BMP8B: variants seen among roughly 807,000 people sequenced by gnomAD.
BMP8B encodes the protein bone morphogenetic protein 8b, also known as bone morphogenetic protein 8 (osteogenic protein 2).
A neutral mutation model predicts 30.3 loss-of-function variants in BMP8B; 17 were observed. That is an observed-to-expected ratio of 0.56 (90% CI 0.38 to 0.84). The LOEUF is 0.84. BMP8B is among the 40% of genes least tolerant of loss of function. The probability of loss-of-function intolerance (pLI) is 0.00; values close to 1 mark genes in which losing one functional copy is unlikely to be tolerated. For synonymous variants in BMP8B, 131 were observed against 214.7 expected (o/e 0.61, Z 3.41); for missense variants, 253 against 494.6 (o/e 0.51, Z 4.63).
chr1:39,788,568 C>T lies in BMP8B; in HGVS notation c.-83G>A. 2.0e-6 allele frequency: 2 copies of T among 983,378 alleles called. No homozygotes were observed. Among genetic ancestry groups the T allele is most frequent in the South Asian group, 4.6e-5 (1 of 21,888 alleles). 60.9% of individuals were successfully genotyped at this position (983,378 alleles called of 1,614,324 possible). A position where few individuals can be genotyped will look rare whatever the true frequency, so the allele number is the denominator to read the frequency against. On this transcript the variant is annotated 5_prime_UTR_variant, in exon 1 of 7. Coordinates refer to ENST00000372827, the MANE Select transcript of BMP8B (RefSeq NM_001720.5). This position sits in a 1 kb window ranked among gnomAD's most constrained non-coding sequence, Gnocchi z 5.8. ...GACCCAGGGCCTGGGGACGCCCCGA[C>T]GGCAAGGAGGCTGGGCTCGGCGGGC... is the stretch of plus-strand genomic sequence containing the variant.
chr1:39,778,193 CT>C (rs1206846130), intron 1 of BMP8B, among the ~76,000 whole-genome samples: 1 of 152,226 alleles, frequency 6.6e-6, no homozygotes, highest in Non-Finnish European at 1.5e-5. Context: ...ACTCAGAGCC[CT>C]TTGGGCTGGG....
chr1:39,760,485 G>T lies in BMP8B; in HGVS notation c.1143C>A (p.Asp381Glu). Reference protein sequence around the residue: ...KLSATSVLYYDSSNNVILRKH... With the variant: ...KLSATSVLYYESSNNVILRKH... ...TGCGCAGGATGACATTGTTGCTGCT[G>T]TCATAGTAGAGCACAGAGGTGGCGC... The change falls in exon 7 of 7, where the codon GAC becomes GAA. Residue 381 changes from aspartate (D) to glutamate (E), a missense_variant. Asp to Glu is a conservative substitution (Grantham distance 45, BLOSUM62 2). Around this residue, in one of 7 missense-constraint regions of BMP8B, gnomAD observed 116 missense variants for 142.3 expected, o/e 0.81. Coordinates refer to ENST00000372827, the MANE Select transcript of BMP8B (RefSeq NM_001720.5). 6.2e-7 allele frequency: 1 copy of T among 1,614,200 alleles called. No homozygotes were observed. The highest frequency in any genetic ancestry group is 8.5e-7 in the Non-Finnish European group (1 of 1,180,036).
intron 6 of BMP8B, among the ~76,000 whole-genome samples, chr1:39,761,773 C>T (rs1464236379): frequency 6.6e-6 from 1 of 152,234 alleles, no homozygotes; most frequent in South Asian, 2.1e-4. Context: ...CAGGCCCAGT[C>T]TCTCCCCACT....
At chr1:39,782,112 T>C (rs562320160) in intron 1 of BMP8B, among the ~76,000 whole-genome samples, 5 of 150,552 alleles carry the variant, frequency 3.3e-5, no homozygotes, top group Non-Finnish European at 7.4e-5. Context: ...GATCGCACCA[T>C]TGCACTCCAG....
At chr1:39,780,223 C>T (rs1254021738) in intron 1 of BMP8B, among the ~76,000 whole-genome samples, 1 of 152,180 alleles carries the variant, frequency 6.6e-6, no homozygotes, top group Non-Finnish European at 1.5e-5. Context: ...GGAAGTGGGA[C>T]CATCGAGGGC....
chr1:39,769,916 G>A (rs1193041955), intron 3 of BMP8B: 6 of 1,604,028 alleles, frequency 3.7e-6, no homozygotes, highest in East Asian at 4.5e-5. Flanking sequence ...CATGATCTTG[G>A]GGGTGTTGTC....
rs995382701 is a variant in BMP8B at position 39,758,265 on chromosome 1, C to T, written c.*2154G>A. 6 of 152,232 alleles carry T rather than the reference C, an allele frequency of 3.9e-5. No homozygotes were observed. The highest frequency in any genetic ancestry group is 7.3e-5 in the Non-Finnish European group (5 of 68,046). The allele number at this position is 152,232 out of a possible 1,614,324, so 9.4% of individuals were successfully genotyped here. A position where few individuals can be genotyped will look rare whatever the true frequency, so the allele number is the denominator to read the frequency against. On this transcript the variant is annotated 3_prime_UTR_variant, in exon 7 of 7. Transcript: ENST00000372827. ...ATTTTGTTGAGACAACAGTTTTGCT[C>T]ATGTCACCAGGCTGAAGTGCAATGT...
At position 39,788,174 on chromosome 1, in the gene BMP8B, C is replaced by G; in HGVS notation, c.312G>C (p.Leu104=). 2 of 1,574,248 alleles carry G rather than the reference C, an allele frequency of 1.3e-6. No individual in the cohort carries two copies. Among genetic ancestry groups the G allele is most frequent in the Non-Finnish European group, 1.7e-6 (2 of 1,170,144 alleles). ...PAERRLGRAD[L]VMSFVNMVER... ...CACCCATGTTAACGAAGCTCATGAC[C>G]AGGTCGGCGCGGCCCAGGCGCCGCT... The change falls in exon 1 of 7, where the codon CTG becomes CTC. Residue 104 remains leucine (L), a synonymous_variant. Transcript: ENST00000372827. This position sits in a 1 kb window ranked among gnomAD's most constrained non-coding sequence, Gnocchi z 5.8.
Position 39,758,087 on chromosome 1 carries a change from A to G in BMP8B, c.*2332T>C, listed in dbSNP as rs531332424. ...GGTGCACCCCTAACTATGCCAGATC[A>G]TTGGCTGGGCACTAAAGATACAGGT... On this transcript the variant is annotated 3_prime_UTR_variant, in exon 7 of 7. Coordinates refer to ENST00000372827, the MANE Select transcript of BMP8B (RefSeq NM_001720.5). The G allele has an allele frequency of 6.6e-6, 1 of 152,364 alleles. No individual in the cohort carries two copies. The highest frequency in any genetic ancestry group is 2.4e-5 in the African/African-American group (1 of 41,582). 9.4% of individuals were successfully genotyped at this position (152,364 alleles called of 1,614,324 possible).
Position 39,760,017 on chromosome 1 carries a change from CAA to C in BMP8B, c.*400_*401del. ...ACCCTGTGATGGATGGTGAAGAGCTCAAGGTGGCCAACAGTGGGCTCCAGGTG... is the reference window on the plus strand; with the variant it reads ...ACCCTGTGATGGATGGTGAAGAGCTCGGTGGCCAACAGTGGGCTCCAGGTG... On this transcript the variant is annotated 3_prime_UTR_variant, in exon 7 of 7. Coordinates refer to ENST00000372827, the MANE Select transcript of BMP8B (RefSeq NM_001720.5). The C allele has an allele frequency of 1.2e-5, 3 of 243,362 alleles. No individual in the cohort carries two copies. The highest frequency in any genetic ancestry group is 1.2e-4 in the South Asian group (2 of 16,932). 15.1% of individuals were successfully genotyped at this position (243,362 alleles called of 1,614,324 possible). A position where few individuals can be genotyped will look rare whatever the true frequency, so the allele number is the denominator to read the frequency against.
In BMP8B at chr1:39,783,771, A is replaced by G. The variant is rs144385775; in HGVS notation, c.334+4381T>C. On this transcript the variant is annotated intron_variant, in intron 1 of 6. Coordinates refer to ENST00000372827, the MANE Select transcript of BMP8B (RefSeq NM_001720.5). The stretch of plus-strand genomic sequence containing the variant: ...AAAGATTTGAAGCAATTAGTTGGAC[A>G]TGGTGGTGCACACCTGTAGTTCTAG... Among the ~76,000 whole-genome samples, 778 of 152,320 alleles carry G rather than the reference A, an allele frequency of 5.1e-3. 7 individuals carry two copies. The highest frequency in any genetic ancestry group is 0.018 in the African/African-American group (738 of 41,574).
chr1:39,780,879 C>G (rs1363408073), intron 1 of BMP8B, among the ~76,000 whole-genome samples: 3 of 152,174 alleles, frequency 2.0e-5, no homozygotes, highest in Non-Finnish European at 4.4e-5. Flanking sequence ...CTGGGTGACA[C>G]AGCGAGACCC....
chr1:39,787,217 G>A (rs1021479402), intron 1 of BMP8B, among the ~76,000 whole-genome samples: 2 of 146,600 alleles, frequency 1.4e-5, no homozygotes, highest in African/African-American at 5.0e-5. Context: ...GCTGTCTGTG[G>A]AGGGAGGCTG....
intron 6 of BMP8B, chr1:39,762,244 T>C: frequency 2.9e-6 from 1 of 345,104 alleles, no homozygotes; most frequent in Non-Finnish European, 5.3e-6. Context: ...TTTTAATTTT[T>C]ATTTTAGAGA....
At chr1:39,760,614 C>T in intron 6 of BMP8B, 46 bp from the exon 7 acceptor site, 1 of 1,589,008 alleles carries the variant, frequency 6.3e-7, no homozygotes, top group East Asian at 2.3e-5. Flanking sequence ...CCAGTGGCCT[C>T]CTCCAAGGAC....
chr1:39,763,905 C>T (rs1649393089), intron 4 of BMP8B, 114 bp from the exon 5 acceptor site: 1 of 1,256,488 alleles, frequency 8.0e-7, no homozygotes, highest in African/African-American at 1.6e-5. Flanking sequence ...AAATGAATGA[C>T]AGGAAACCAT....
At chr1:39,786,176 A>T in intron 1 of BMP8B, among the ~76,000 whole-genome samples, 1 of 152,256 alleles carries the variant, frequency 6.6e-6, no homozygotes, top group East Asian at 1.9e-4. Flanking sequence ...AGGCTGTGAA[A>T]GTTCACATGC....
At chr1:39,777,690 C>A (rs1299224519) in intron 1 of BMP8B, among the ~76,000 whole-genome samples, 1 of 152,220 alleles carries the variant, frequency 6.6e-6, no homozygotes. Flanking sequence ...TCAAAAGACA[C>A]CCTCATCCTC....
At chr1:39,777,454 C>T (rs1464455155) in intron 1 of BMP8B, among the ~76,000 whole-genome samples, 1 of 152,190 alleles carries the variant, frequency 6.6e-6, no homozygotes, top group Non-Finnish European at 1.5e-5. Context: ...AAGCAAACTT[C>T]GGAAGCAACC....
Sources: allele counts gnomAD v4.1 joint callset (sites outside exome capture counted in the v4.1 genomes callset), GRCh38; gene constraint gnomAD v4.1.1; regional missense constraint gnomAD v4.1.1; non-coding constraint Gnocchi (gnomAD v3.1); transcripts MANE v1.5; gene names NCBI Gene and HGNC (gene_info 2026-07-23, HGNC 2026-07-21).